Variants in PCDHA13 observed in about 807,000 individuals in gnomAD.
PCDHA13 encodes protocadherin alpha-13.
Under a neutral mutation model 64.8 loss-of-function variants are expected in PCDHA13, and 54 were observed. That is an observed-to-expected ratio of 0.83 (90% CI 0.67 to 1.04). The LOEUF is 1.04. Among genes scored for constraint, PCDHA13 ranks in the 50% least tolerant of loss-of-function variants. The probability of loss-of-function intolerance (pLI) is 0.00; values close to 1 mark genes in which losing one functional copy is unlikely to be tolerated. For synonymous variants in PCDHA13, 587 were observed against 564.4 expected, an observed-to-expected ratio of 1.04 and a Z score of -0.57; for missense variants, 1,248 against 1,254.3, an observed-to-expected ratio of 0.99 and a Z score of 0.08.
At chr5:140,968,353 C>A (rs1377792748) in intron 1 of PCDHA13, 1 of 1,614,106 alleles carries the variant, frequency 6.2e-7, no homozygotes, top group Non-Finnish European at 8.5e-7. Context: ...GTGCCAGTGG[C>A]AGCCTTTATG....
chr5:140,952,378 A>G (rs1282372403), intron 1 of PCDHA13, among the ~76,000 whole-genome samples: 1 of 151,376 alleles, frequency 6.6e-6, no homozygotes, highest in Non-Finnish European at 1.5e-5. Flanking sequence ...TTCCTCTGCC[A>G]GGTACCCTAA....
At chr5:140,896,583 G>A (rs557774521) in intron 1 of PCDHA13, among the ~76,000 whole-genome samples, 1 of 151,770 alleles carries the variant, frequency 6.6e-6, no homozygotes, top group South Asian at 2.1e-4. Context: ...TGACGTGTTG[G>A]CCAGGCTGGT....
intron 1 of PCDHA13, among the ~76,000 whole-genome samples, chr5:140,890,509 A>G (rs1448258191): frequency 6.6e-6 from 1 of 151,802 alleles, no homozygotes; most frequent in African/African-American, 2.4e-5. Flanking sequence ...TTATGTCTCT[A>G]TTTCCTTCCT....
chr5:140,995,265 G>A (rs1293855932), intron 3 of PCDHA13, among the ~76,000 whole-genome samples: 1 of 152,102 alleles, frequency 6.6e-6, no homozygotes, highest in African/African-American at 2.4e-5. Context: ...TTGAATACAA[G>A]CCCTTTGATA....
intron 1 of PCDHA13, chr5:140,926,948 C>A: frequency 1.3e-6 from 2 of 1,589,774 alleles, no homozygotes; most frequent in South Asian, 1.1e-5. Flanking sequence ...GGCGCTGCAG[C>A]GGGACAGCTC....
chr5:140,913,898 CTTTT>C (rs1351691139), intron 1 of PCDHA13, among the ~76,000 whole-genome samples: 2 of 152,020 alleles, frequency 1.3e-5, no homozygotes, highest in African/African-American at 4.8e-5. Flanking sequence ...CAAAATTCCC[CTTTT>C]TTATTTCTAA....
At chr5:140,911,153 C>T (rs921838811) in intron 1 of PCDHA13, among the ~76,000 whole-genome samples, 2 of 152,048 alleles carry the variant, frequency 1.3e-5, no homozygotes, top group Non-Finnish European at 2.9e-5. Flanking sequence ...TCTCCTCAGA[C>T]AAATGTGGAA....
intron 1 of PCDHA13, among the ~76,000 whole-genome samples, chr5:140,889,628 TTTTC>T (rs2062304515): frequency 6.6e-6 from 1 of 152,186 alleles, no homozygotes; most frequent in African/African-American, 2.4e-5. Flanking sequence ...ATTTCTCTTC[TTTTC>T]ATTTGTGTTT....
intron 3 of PCDHA13, among the ~76,000 whole-genome samples, chr5:140,996,043 C>T (rs1282990779): frequency 6.6e-6 from 1 of 152,202 alleles, no homozygotes; most frequent in Non-Finnish European, 1.5e-5. Context: ...GCACTTAACA[C>T]AGTGCTTGGC....
intron 1 of PCDHA13, among the ~76,000 whole-genome samples, chr5:140,905,958 G>C (rs1554192269): frequency 6.6e-6 from 1 of 152,184 alleles, no homozygotes; most frequent in African/African-American, 2.4e-5. Context: ...GATGTTCAAG[G>C]GGAGGAAGAT....
chr5:140,890,505 C>T (rs968263026), intron 1 of PCDHA13, among the ~76,000 whole-genome samples: 4 of 151,914 alleles, frequency 2.6e-5, no homozygotes, highest in Admixed American at 2.6e-4. Flanking sequence ...ATTTTTATGT[C>T]TCTATTTCCT....
chr5:140,962,155 G>A (rs977043867), intron 1 of PCDHA13, among the ~76,000 whole-genome samples: 8 of 152,060 alleles, frequency 5.3e-5, no homozygotes, highest in South Asian at 2.1e-4. Flanking sequence ...GATTACAGGC[G>A]TGAGCCACCA....
rs782443419 is a variant in PCDHA13, at chr5:140,882,688, A to T, written c.420A>T (p.Ile140=). Residue 140 remains isoleucine (I), a synonymous_variant, in exon 1 of 4, where the codon ATA becomes ATT. Coordinates refer to ENST00000289272, the MANE Select transcript of PCDHA13 (RefSeq NM_018904.3). ...TATTCCCTGAAAGCAAGAAACGAATAATCATTGCAGAATCTAGACCTCCGG... is the reference window on the plus strand; with the variant it reads ...TATTCCCTGAAAGCAAGAAACGAATTATCATTGCAGAATCTAGACCTCCGG... ...PPIFPESKKR[I]IIAESRPPET... The T allele has an allele frequency of 1.2e-5, 20 of 1,614,078 alleles. 1 individual carries two copies. In the South Asian group the frequency reaches 2.2e-4, roughly 18 times the overall value.
intron 1 of PCDHA13, among the ~76,000 whole-genome samples, chr5:140,976,851 T>C (rs1402328541): frequency 6.6e-6 from 1 of 152,206 alleles, no homozygotes; most frequent in African/African-American, 2.4e-5. Context: ...ATCCCTTTCA[T>C]AGAGTTTACT....
intron 3 of PCDHA13, among the ~76,000 whole-genome samples, chr5:141,002,433 A>G (rs2098079655): frequency 6.6e-6 from 1 of 152,258 alleles, no homozygotes; most frequent in East Asian, 1.9e-4. Context: ...ACAGGCAATA[A>G]CCATAATAAT....
intron 3 of PCDHA13, among the ~76,000 whole-genome samples, chr5:140,984,822 AC>A (rs1398539032): frequency 6.6e-6 from 1 of 152,126 alleles, no homozygotes; most frequent in Non-Finnish European, 1.5e-5. Flanking sequence ...TTTCTTAATT[AC>A]CCTTTCTGTA....
chr5:140,901,307 T>A (rs544600785), intron 1 of PCDHA13, among the ~76,000 whole-genome samples: 1 of 152,264 alleles, frequency 6.6e-6, no homozygotes, highest in East Asian at 1.9e-4. Context: ...TTCCGGAGAG[T>A]TTCCCCAATG....
chr5:140,995,285 C>G (rs1179283452), intron 3 of PCDHA13, among the ~76,000 whole-genome samples: 1 of 152,048 alleles, frequency 6.6e-6, no homozygotes, highest in African/African-American at 2.4e-5. Flanking sequence ...ACCAAAACAG[C>G]CAGTCGGATA....
Position 141,010,445 on chromosome 5 carries a change from A to C in PCDHA13, c.*508A>C. On this transcript the variant is annotated 3_prime_UTR_variant, in exon 4 of 4. Transcript: ENST00000289272. ...AAGGCAAGAAAACAAAGACAAATAA[A>C]CAGCGGAAGTTATCAGTATGGAGGG... 1.1e-6 allele frequency: 1 copy of C among 944,134 alleles called. No individual in the cohort carries two copies. The highest frequency in any genetic ancestry group is 1.5e-6 in the Non-Finnish European group (1 of 656,048). 58.5% of individuals were successfully genotyped at this position (944,134 alleles called of 1,614,324 possible).
Sources: gnomAD v4.1 joint callset for allele counts (sites outside exome capture counted in the v4.1 genomes callset) on GRCh38, gnomAD v4.1.1 for gene constraint, MANE v1.5 for transcripts, NCBI Gene and HGNC (gene_info 2026-07-23, HGNC 2026-07-21) for gene names.